Variants in HDAC5 observed in about 807,000 individuals in gnomAD.
HDAC5 encodes the protein histone deacetylase 5.
A neutral mutation model predicts 133.3 loss-of-function variants in HDAC5; 25 were observed. That is an observed-to-expected ratio of 0.19 (90% CI 0.14 to 0.26). The LOEUF (loss-of-function observed/expected upper bound fraction) is 0.26. Ranked by LOEUF, HDAC5 falls within the 10% of genes least tolerant of loss-of-function variation. HDAC5 has a pLI of 1.00. For missense variants in HDAC5, 1,041 were observed against 1,460.5 expected, an observed-to-expected ratio of 0.71 and a Z score of 4.68; for synonymous variants, 589 against 610.8, an observed-to-expected ratio of 0.96 and a Z score of 0.53.
At chr17:44,078,466 T>C (rs2050216526) in intron 26 of HDAC5, 34 bp downstream of exon 26, 1 of 1,579,564 alleles carries the variant, frequency 6.3e-7, no homozygotes, top group Non-Finnish European at 8.6e-7. Context: ...CCAGCAGGGG[T>C]GAGGGCAGAG....
At position 44,117,056 on chromosome 17, in the gene HDAC5, A is replaced by G. The variant is rs1338851690; in HGVS notation, c.22+438T>C. Among the ~76,000 whole-genome samples the G allele has an allele frequency of 6.6e-6, 1 of 152,238 alleles. No homozygotes were observed. The highest frequency in any genetic ancestry group is 1.9e-4 in the East Asian group (1 of 5,198). On this transcript the variant is annotated intron_variant, in intron 2 of 26. Coordinates refer to ENST00000682912, the MANE Select transcript of HDAC5 (RefSeq NM_005474.5). The surrounding 1 kb of genome is among the most constrained non-coding windows in gnomAD (Gnocchi z 4.2). ...TGTAAACCTCCACTAAGAAAAAAGT[A>G]TGGAACACAAACATTCCACTAAGTA...
In HDAC5 at chr17:44,117,556, G is replaced by T. The variant is rs1207451698; in HGVS notation, c.-41C>A. 2.5e-6 allele frequency: 4 copies of T among 1,609,412 alleles called. No homozygotes were observed. In the African/African-American group the frequency reaches 4.0e-5, roughly 16 times the overall value. ...GCAGGAAGCTGGCGTTGGGGGCTGG[G>T]ACGGGAGGGGGTGGAGCTGCGGTGA... On this transcript the variant is annotated 5_prime_UTR_variant, in exon 2 of 27. Transcript: ENST00000682912. This position sits in a 1 kb window ranked among gnomAD's most constrained non-coding sequence, Gnocchi z 4.2.
chr17:44,103,731 G>A (rs1240250404), intron 3 of HDAC5, among the ~76,000 whole-genome samples: 13 of 149,184 alleles, frequency 8.7e-5, no homozygotes, highest in South Asian at 2.1e-4. Flanking sequence ...TTTTTGAGAC[G>A]TAGTTTCGCT....
chr17:44,084,239 G>T (rs1259505431), intron 16 of HDAC5, among the ~76,000 whole-genome samples: 1 of 152,160 alleles, frequency 6.6e-6, no homozygotes, highest in African/African-American at 2.4e-5. Flanking sequence ...GAAGCTGTCA[G>T]TCCTCTGTCC....
At chr17:44,099,533 G>A (rs2051460612) in intron 3 of HDAC5, among the ~76,000 whole-genome samples, 1 of 151,528 alleles carries the variant, frequency 6.6e-6, no homozygotes. Context: ...GGAGTGCAGT[G>A]GCGCGATCTC....
chr17:44,092,772 G>C lies in HDAC5; in HGVS notation c.676C>G (p.Pro226Ala). 7.5e-7 allele frequency: 1 copy of C among 1,330,206 alleles called. No individual in the cohort carries two copies. The highest frequency in any genetic ancestry group is 1.0e-6 in the Non-Finnish European group (1 of 981,336). The allele number at this position is 1,330,206 out of a possible 1,614,324, so 82.4% of individuals were successfully genotyped here. ...AHHASLDQSS[P>A]PQSGPPGTPP... Reference sequence around the variant, plus strand: ...GTCCCAGGGGGGCCGCTCTGGGGAGGGGAACTCTGGTCCAAAGAAGCATGG... The same window carrying C: ...GTCCCAGGGGGGCCGCTCTGGGGAGCGGAACTCTGGTCCAAAGAAGCATGG... The change falls in exon 7 of 27, where the codon CCT becomes GCT. Residue 226 changes from proline to alanine, a missense_variant. By Grantham distance (27) the Pro-to-Ala change is conservative (BLOSUM62 -1). Around this residue, in one of 9 missense-constraint regions of HDAC5, gnomAD observed 56 missense variants for 41.3 expected, o/e 1.36. Coordinates refer to ENST00000682912, the MANE Select transcript of HDAC5 (RefSeq NM_005474.5).
At chr17:44,103,292 A>T (rs2046756854) in intron 3 of HDAC5, among the ~76,000 whole-genome samples, 1 of 152,232 alleles carries the variant, frequency 6.6e-6, no homozygotes, top group Non-Finnish European at 1.5e-5. Flanking sequence ...TAGGCTCAAC[A>T]GGTTCTACCA....
At chr17:44,107,654 T>G (rs1598013784) in intron 3 of HDAC5, among the ~76,000 whole-genome samples, 1 of 149,312 alleles carries the variant, frequency 6.7e-6, no homozygotes, top group East Asian at 2.0e-4. Context: ...CTGATAGCCT[T>G]GTCACTCAGT....
intron 6 of HDAC5, 83 bp downstream of exon 6, chr17:44,093,009 G>T: frequency 1.0e-6 from 1 of 995,418 alleles, no homozygotes; most frequent in South Asian, 1.6e-5. Flanking sequence ...ATGGGCACGG[G>T]GAAGAAGCCC....
intron 3 of HDAC5, among the ~76,000 whole-genome samples, chr17:44,110,233 G>T (rs1028215227): frequency 2.9e-4 from 44 of 152,322 alleles, no homozygotes; most frequent in African/African-American, 1.1e-3. Flanking sequence ...TGATTCTCAA[G>T]AGACTCCTGG....
chr17:44,092,852 C>A lies in HDAC5; in HGVS notation c.642-46G>T. The A allele has an allele frequency of 4.9e-6, 4 of 813,006 alleles. No homozygotes were observed. The African/African-American group carries it at 5.1e-5, about 10-fold the overall frequency. 50.4% of individuals were successfully genotyped at this position (813,006 alleles called of 1,614,324 possible). A position where few individuals can be genotyped will look rare whatever the true frequency, so the allele number is the denominator to read the frequency against. On this transcript the variant is annotated intron_variant, in intron 6 of 26. Coordinates refer to ENST00000682912, the MANE Select transcript of HDAC5 (RefSeq NM_005474.5). ...GGATGGAAGCAGATCTAGGTTATCA[C>A]CCAGTCTGCTGGACCTGCCACCTGG...
chr17:44,107,714 C>G (rs1297995189), intron 3 of HDAC5, among the ~76,000 whole-genome samples: 1 of 152,108 alleles, frequency 6.6e-6, no homozygotes, highest in East Asian at 1.9e-4. Context: ...TTCTTACCCT[C>G]CCGGCACTAC....
intron 2 of HDAC5, among the ~76,000 whole-genome samples, chr17:44,114,810 C>A (rs1172796098): frequency 6.6e-6 from 1 of 152,218 alleles, no homozygotes; most frequent in East Asian, 1.9e-4. Context: ...ATAAAGACAG[C>A]CTTAATCCTC....
rs757439076 is a variant in HDAC5, at chr17:44,080,896, T to G, written c.2608-14A>C. ...ATGGTGAATGTCCTATGAGGGGAGG[T>G]AGAAGCATCGGGAAAATGGCCCGCG... is the stretch of plus-strand genomic sequence containing the variant. On this transcript the variant is annotated splice_polypyrimidine_tract_variant and intron_variant, in intron 20 of 26. Coordinates refer to ENST00000682912, the MANE Select transcript of HDAC5 (RefSeq NM_005474.5). 6.2e-7 allele frequency: 1 copy of G among 1,613,654 alleles called. No homozygotes were observed. The highest frequency in any genetic ancestry group is 8.5e-7 in the Non-Finnish European group (1 of 1,179,704).
rs1458730793 is a variant in HDAC5, at chr17:44,117,464, G to C, written c.22+30C>G. On this transcript the variant is annotated intron_variant, in intron 2 of 26. Transcript: ENST00000682912. The surrounding 1 kb of genome is among the most constrained non-coding windows in gnomAD (Gnocchi z 4.2). ...CCCATTGCATCCGAAGCTACCCCAG[G>C]GTGCTCTTCTCCAACCTCCCAGCTC... 1.2e-6 allele frequency: 2 copies of C among 1,613,646 alleles called. No homozygotes were observed. Among genetic ancestry groups the C allele is most frequent in the Non-Finnish European group, 8.5e-7 (1 of 1,179,684 alleles).
intron 3 of HDAC5, among the ~76,000 whole-genome samples, chr17:44,099,619 C>T (rs1180942465): frequency 1.3e-5 from 2 of 152,168 alleles, no homozygotes; most frequent in African/African-American, 2.4e-5. Flanking sequence ...GGACTACAGG[C>T]ACCCGCCACC....
Position 44,092,660 on chromosome 17 carries a change from T to TGGGGGACTCACTCACCTGTTTTGCGGA in HDAC5, c.761_772+15dup, listed in dbSNP as rs1567999247. ...AGGAGCCATATTCTGGGAGGCCAGGTGGGGGACTCACTCACCTGTTTTGCG... is the reference window on the plus strand; with the variant it reads ...AGGAGCCATATTCTGGGAGGCCAGGTGGGGGACTCACTCACCTGTTTTGCGGAGGGGGACTCACTCACCTGTTTTGCG... On this transcript the variant is annotated intron_variant, in intron 7 of 26. Transcript: ENST00000682912. 6.6e-7 allele frequency: 1 copy of TGGGGGACTCACTCACCTGTTTTGCGGA among 1,524,690 alleles called. No homozygotes were observed. The highest frequency in any genetic ancestry group is 1.3e-5 in the South Asian group (1 of 78,360). 94.4% of individuals were successfully genotyped at this position (1,524,690 alleles called of 1,614,324 possible).
chr17:44,086,258 G>A (rs2050642519), intron 14 of HDAC5, among the ~76,000 whole-genome samples: 2 of 152,212 alleles, frequency 1.3e-5, no homozygotes, highest in South Asian at 4.1e-4. Flanking sequence ...AGACCTCACA[G>A]GGAGAAGGAA....
chr17:44,095,907 C>A (rs907911969), intron 3 of HDAC5, among the ~76,000 whole-genome samples: 5 of 152,024 alleles, frequency 3.3e-5, no homozygotes, highest in Non-Finnish European at 5.9e-5. Context: ...AGTGGAGGGC[C>A]TGCTGGGTTC....
Sources: allele counts gnomAD v4.1 joint callset (sites outside exome capture counted in the v4.1 genomes callset), GRCh38; gene constraint gnomAD v4.1.1; regional missense constraint gnomAD v4.1.1; non-coding constraint Gnocchi (gnomAD v3.1); transcripts MANE v1.5; gene names NCBI Gene and HGNC (gene_info 2026-07-23, HGNC 2026-07-21).